UTP4: variants seen among roughly 807,000 people sequenced by gnomAD.
The protein encoded by UTP4 is UTP4 small subunit processome component.
A neutral mutation model predicts 82.4 loss-of-function variants in UTP4; 45 were observed. That is an observed-to-expected ratio of 0.55 (90% confidence interval 0.43 to 0.70). UTP4 has a LOEUF of 0.70. Ranked by LOEUF, UTP4 falls within the 30% of genes least tolerant of loss-of-function variation. UTP4 has a pLI of 0.00. For missense variants in UTP4, 819 were observed against 858.3 expected (o/e 0.95, Z 0.57); for synonymous variants, 348 against 300.3 (o/e 1.16, Z -1.64).
chr16:69,165,143 G>A (rs868744448), intron 14 of UTP4, among the ~76,000 whole-genome samples, 198 bp from the exon 15 acceptor site: 19 of 151,672 alleles, frequency 1.3e-4, no homozygotes, highest in Admixed American at 6.6e-5. Flanking sequence ...TGCAGTGAGC[G>A]GAGATCACGC....
chr16:69,144,015 G>A (rs945527028), intron 6 of UTP4, among the ~76,000 whole-genome samples: 42 of 151,716 alleles, frequency 2.8e-4, no homozygotes, highest in African/African-American at 1.0e-3. Context: ...AGCCTCCCCA[G>A]TAGCTCGGAT....
At chr16:69,161,334 G>A (rs1226007597) in intron 13 of UTP4, among the ~76,000 whole-genome samples, 1 of 152,226 alleles carries the variant, frequency 6.6e-6, no homozygotes, top group African/African-American at 2.4e-5. Context: ...CATTAAAAGT[G>A]TATAGAATAA....
At chr16:69,156,035 C>G (rs758603464) in intron 11 of UTP4, 42 bp downstream of exon 11, 2 of 1,601,364 alleles carry the variant, frequency 1.2e-6, no homozygotes, top group South Asian at 2.2e-5. Context: ...GAGGAAACTT[C>G]CTAAATATGT....
chr16:69,143,056 C>G, intron 5 of UTP4, 122 bp from the exon 6 acceptor site: 1 of 973,716 alleles, frequency 1.0e-6, no homozygotes, highest in South Asian at 1.3e-5. Context: ...TGAGGTCTCA[C>G]TTCGTTGCCT....
chr16:69,135,982 T>A (rs1438465662), intron 2 of UTP4, among the ~76,000 whole-genome samples: 1 of 152,170 alleles, frequency 6.6e-6, no homozygotes, highest in East Asian at 1.9e-4. Flanking sequence ...TGAGCTGAGA[T>A]GGCGCCATTG....
At chr16:69,152,021 G>C (rs529315070) in intron 8 of UTP4, among the ~76,000 whole-genome samples, 3 of 150,850 alleles carry the variant, frequency 2.0e-5, no homozygotes, top group Non-Finnish European at 4.4e-5. Context: ...TAGATAGATA[G>C]ATAGATAGAT....
At chr16:69,160,834 A>T (rs1441816147) in intron 13 of UTP4, among the ~76,000 whole-genome samples, 1 of 151,828 alleles carries the variant, frequency 6.6e-6, no homozygotes, top group Non-Finnish European at 1.5e-5. Context: ...GAGCTCAGGC[A>T]ATCCGCCCAC....
Position 69,133,628 on chromosome 16 carries a change from T to G in UTP4, c.159+10T>G, listed in dbSNP as rs1006586645. On this transcript the variant is annotated intron_variant, in intron 2 of 16. Coordinates refer to ENST00000314423, the MANE Select transcript of UTP4 (RefSeq NM_032830.3). ...CTACTTTCAGGAGAAAGTAAGTCATTTGGGAGTCTGATATGGTGTTTTGAT... is the reference window on the plus strand; with the variant it reads ...CTACTTTCAGGAGAAAGTAAGTCATGTGGGAGTCTGATATGGTGTTTTGAT... The G allele has an allele frequency of 3.1e-6, 5 of 1,613,726 alleles. No homozygotes were observed. The Admixed American group carries it at 8.3e-5, about 27-fold the overall frequency.
chr16:69,153,965 G>C (rs777073323), intron 9 of UTP4, among the ~76,000 whole-genome samples: 1 of 152,052 alleles, frequency 6.6e-6, no homozygotes, highest in South Asian at 2.1e-4. Context: ...GCTTAACTGA[G>C]GTGAAAACAG....
intron 14 of UTP4, among the ~76,000 whole-genome samples, chr16:69,163,631 T>G (rs566458667): frequency 5.3e-4 from 81 of 151,724 alleles, no homozygotes; most frequent in African/African-American, 1.9e-3. Flanking sequence ...TAGAACCTAA[T>G]CTACTTTTTT....
Position 69,167,096 on chromosome 16 carries a change from T to G in UTP4, c.1855T>G (p.Leu619Val), listed in dbSNP as rs758505831. 20 of 1,613,636 alleles carry G rather than the reference T, an allele frequency of 1.2e-5. No individual in the cohort carries two copies. The South Asian group carries it at 1.4e-4, about 12-fold the overall frequency. Residue 619 changes from leucine to valine, a missense_variant, in exon 16 of 17, where the codon TTA (leucine) becomes GTA (valine). By Grantham distance (32) the Leu-to-Val change is conservative. Coordinates refer to ENST00000314423, the MANE Select transcript of UTP4 (RefSeq NM_032830.3). ...KSLPLPNDKT[L>V]LYNPFPPTNE... The stretch of plus-strand genomic sequence containing the variant: ...TTAGCCCCTTCCAAATGACAAAACC[T>G]TACTCTACAATCCATTTCCTCCCAC...
chr16:69,136,995 C>T (rs976333401), intron 3 of UTP4, 108 bp downstream of exon 3: 4 of 933,436 alleles, frequency 4.3e-6, no homozygotes, highest in Admixed American at 1.7e-5. Context: ...CATGTGGCAA[C>T]CCCAACTATA....
At chr16:69,161,451 G>A (rs1165711295) in intron 13 of UTP4, among the ~76,000 whole-genome samples, 1 of 152,214 alleles carries the variant, frequency 6.6e-6, no homozygotes, top group African/African-American at 2.4e-5. Context: ...GCCTTGCCTG[G>A]CATTTAAAGA....
At chr16:69,160,301 G>A in intron 12 of UTP4, 55 bp from the exon 13 acceptor site, 1 of 1,376,718 alleles carries the variant, frequency 7.3e-7, no homozygotes, top group Non-Finnish European at 1.0e-6. Context: ...CTCCAGGGCA[G>A]GTCTGGCTGT....
At chr16:69,138,457 C>T (rs1413165282) in intron 4 of UTP4, among the ~76,000 whole-genome samples, 1 of 152,002 alleles carries the variant, frequency 6.6e-6, no homozygotes, top group Non-Finnish European at 1.5e-5. Context: ...AGGCTGGTCT[C>T]GAACTCTTGG....
In UTP4 at chr16:69,137,854, C is replaced by A; in HGVS notation, c.405C>A (p.Ile135=). The stretch of plus-strand genomic sequence containing the variant: ...TATTTCAAATTACCCCAGACAAAAT[C>A]CAGTTTGAAAGAAATTTTGATCGGC... ...VKLFQITPDK[I]QFERNFDRQK... The change falls in exon 4 of 17, where the codon ATC becomes ATA. Residue 135 remains isoleucine (I), a synonymous_variant. Transcript: ENST00000314423. 4.3e-6 allele frequency: 7 copies of A among 1,612,732 alleles called. No individual in the cohort carries two copies. Among genetic ancestry groups the A allele is most frequent in the African/African-American group, 1.3e-5 (1 of 74,968 alleles).
chr16:69,135,511 A>T (rs1419428430), intron 2 of UTP4, among the ~76,000 whole-genome samples: 1 of 152,086 alleles, frequency 6.6e-6, no homozygotes, highest in Non-Finnish European at 1.5e-5. Context: ...CCAGGAGTGT[A>T]AGACCACCCT....
At chr16:69,167,347 T>C (rs1768110401) in intron 16 of UTP4, 162 bp downstream of exon 16, 1 of 646,648 alleles carries the variant, frequency 1.5e-6, no homozygotes, top group Non-Finnish European at 2.8e-6. Flanking sequence ...CCCTTGTATA[T>C]GTTTTATTGT....
intron 12 of UTP4, among the ~76,000 whole-genome samples, chr16:69,159,706 G>C (rs1008779918): frequency 6.6e-6 from 1 of 151,050 alleles, no homozygotes; most frequent in Non-Finnish European, 1.5e-5. Context: ...AAAAGAAAGA[G>C]GCCAGGCACG....
Sources: gnomAD v4.1 joint callset for allele counts (sites outside exome capture counted in the v4.1 genomes callset) on GRCh38, gnomAD v4.1.1 for gene constraint, MANE v1.5 for transcripts, NCBI Gene and HGNC (gene_info 2026-07-23, HGNC 2026-07-21) for gene names.